The following MACROD2 variants were observed in gnomAD, a reference collection of about 807,000 sequenced individuals.
MACROD2 encodes ADP-ribose glycohydrolase MACROD2.
Under a neutral mutation model 70.4 loss-of-function variants are expected in MACROD2, and 36 were observed. The ratio of observed to expected loss-of-function variants is 0.51; its 90% CI spans 0.39 to 0.68. The LOEUF (loss-of-function observed/expected upper bound fraction) is 0.68, where lower values mean the gene tolerates loss of function less well. Among genes scored for constraint, MACROD2 ranks in the 30% least tolerant of loss-of-function variants. MACROD2 has a pLI of 0.00. For missense variants in MACROD2, 496 were observed against 538.4 expected (o/e 0.92, Z 0.78); for synonymous variants, 172 against 178.8 (o/e 0.96, Z 0.30).
intron 8 of MACROD2, among the ~76,000 whole-genome samples, chr20:15,651,934 G>C (rs1303889021): frequency 6.6e-6 from 1 of 152,144 alleles, no homozygotes; most frequent in Non-Finnish European, 1.5e-5. Context: ...TCCAGAAACA[G>C]AGCCTAAATA....
At chr20:16,042,161 G>A (rs557206668) in intron 16 of MACROD2, among the ~76,000 whole-genome samples, 19 of 152,024 alleles carry the variant, frequency 1.2e-4, no homozygotes, top group African/African-American at 3.4e-4. Flanking sequence ...TGTTCCCACC[G>A]GCTTATCATC....
Position 15,846,911 on chromosome 20 carries a change from TTATATATATA to T in MACROD2, c.646-15802_646-15793del, listed in dbSNP as rs33993940. 8.8e-4 allele frequency among the ~76,000 whole-genome samples: 121 copies of T among 138,170 alleles called. 1 individual carries two copies. Among genetic ancestry groups the T allele is most frequent in the African/African-American group, 2.2e-3 (82 of 36,452 alleles). 90.6% of individuals were successfully genotyped at this position (138,170 alleles called of 152,430 possible). ...GACCTTGACATAGTCAAAAAAAAAATTATATATATATATATATATATATATATATATATAT... is the reference window on the plus strand; with the variant it reads ...GACCTTGACATAGTCAAAAAAAAAATTATATATATATATATATATATATAT... On this transcript the variant is annotated intron_variant, in intron 8 of 17. Coordinates refer to ENST00000684519, the MANE Select transcript of MACROD2 (RefSeq NM_001351661.2).
chr20:14,135,438 T>C (rs972929614), intron 3 of MACROD2, among the ~76,000 whole-genome samples: 8 of 152,104 alleles, frequency 5.3e-5, no homozygotes, highest in African/African-American at 1.9e-4. Flanking sequence ...AAGATTCAGA[T>C]AGGAGAATCA....
chr20:14,357,053 T>C (rs1356854719), intron 3 of MACROD2, among the ~76,000 whole-genome samples: 1 of 152,196 alleles, frequency 6.6e-6, no homozygotes, highest in Non-Finnish European at 1.5e-5. Context: ...TACTACTTCA[T>C]GGAGTACTAC....
At chr20:14,700,199 T>TTG (rs1426224213) in intron 5 of MACROD2, among the ~76,000 whole-genome samples, 1 of 152,088 alleles carries the variant, frequency 6.6e-6, no homozygotes, top group Non-Finnish European at 1.5e-5. Flanking sequence ...TAACCATATT[T>TTG]TGTGTGTGTG....
intron 3 of MACROD2, among the ~76,000 whole-genome samples, chr20:14,243,090 A>G (rs897981739): frequency 6.6e-6 from 1 of 152,130 alleles, no homozygotes; most frequent in African/African-American, 2.4e-5. Context: ...CTCTTTGGAG[A>G]TATGCTTGAG....
intron 7 of MACROD2, among the ~76,000 whole-genome samples, chr20:15,436,731 A>G (rs1354740423): frequency 6.7e-6 from 1 of 148,240 alleles, no homozygotes; most frequent in African/African-American, 2.5e-5. Flanking sequence ...TCTTTTTTTT[A>G]TTAGGGTTTG....
chr20:15,219,071 A>C (rs995053123), intron 5 of MACROD2, among the ~76,000 whole-genome samples: 1 of 152,198 alleles, frequency 6.6e-6, no homozygotes, highest in African/African-American at 2.4e-5. Flanking sequence ...CTTAACCTAC[A>C]TAAAAGTGAA....
At chr20:14,897,339 A>G (rs2073842486) in intron 5 of MACROD2, among the ~76,000 whole-genome samples, 1 of 152,134 alleles carries the variant, frequency 6.6e-6, no homozygotes, top group African/African-American at 2.4e-5. Context: ...TTCATCACTT[A>G]TTTAAAAAAA....
intron 7 of MACROD2, among the ~76,000 whole-genome samples, chr20:15,479,597 C>CATT (rs1184697575): frequency 1.3e-5 from 2 of 152,130 alleles, no homozygotes; most frequent in African/African-American, 4.8e-5. Flanking sequence ...TAACCCTTGG[C>CATT]ATTATTATTA....
At chr20:15,196,976 A>G (rs1334145442) in intron 5 of MACROD2, 1 of 985,300 alleles carries the variant, frequency 1.0e-6, no homozygotes, top group African/African-American at 1.7e-5. Flanking sequence ...GTATCCAAAG[A>G]GCACATTTTT....
At chr20:15,224,445 G>A (rs1010715861) in intron 5 of MACROD2, among the ~76,000 whole-genome samples, 5 of 152,166 alleles carry the variant, frequency 3.3e-5, no homozygotes, top group Non-Finnish European at 5.9e-5. Context: ...TCACTGTGAT[G>A]TTGTCATTGT....
intron 3 of MACROD2, among the ~76,000 whole-genome samples, chr20:14,471,497 G>A (rs1428494271): frequency 3.3e-5 from 5 of 152,138 alleles, no homozygotes; most frequent in Non-Finnish European, 7.4e-5. Flanking sequence ...TTACAATAGA[G>A]GGTTCCTAGG....
At chr20:14,861,979 ATATATATATATATT>A (rs1362330478) in intron 5 of MACROD2, among the ~76,000 whole-genome samples, 1 of 45,374 alleles carries the variant, frequency 2.2e-5, no homozygotes, top group African/African-American at 9.7e-5. Context: ...ATATATAAAT[ATATATATATATATT>A]TATATATATA....
chr20:15,770,953 A>C (rs796824999), intron 8 of MACROD2, among the ~76,000 whole-genome samples: 21 of 152,288 alleles, frequency 1.4e-4, no homozygotes, highest in African/African-American at 5.1e-4. Flanking sequence ...CAAACTCCAA[A>C]TCAATGAGGA....
chr20:15,411,422 T>C (rs1272656358), intron 6 of MACROD2, among the ~76,000 whole-genome samples: 1 of 152,184 alleles, frequency 6.6e-6, no homozygotes, highest in Middle Eastern at 3.2e-3. Flanking sequence ...ATGTTGAAAG[T>C]CCTGTTTGTT....
intron 8 of MACROD2, among the ~76,000 whole-genome samples, chr20:15,568,804 C>G (rs2048341676): frequency 6.6e-6 from 1 of 152,194 alleles, no homozygotes. Context: ...TAGCCCCAGT[C>G]TTTCCTAGAT....
intron 5 of MACROD2, among the ~76,000 whole-genome samples, chr20:14,884,831 G>A (rs1410496930): frequency 6.6e-6 from 1 of 152,082 alleles, no homozygotes; most frequent in Admixed American, 6.6e-5. Flanking sequence ...CTTCATCTGT[G>A]TAATAAAAAC....
At chr20:15,443,555 A>T (rs12481556) in intron 7 of MACROD2, among the ~76,000 whole-genome samples, 19 of 152,072 alleles carry the variant, frequency 1.2e-4, no homozygotes, top group African/African-American at 4.3e-4. Flanking sequence ...AAATGAATCC[A>T]GTTTTACCAA....
Sources: gnomAD v4.1 joint callset for allele counts (sites outside exome capture counted in the v4.1 genomes callset) on GRCh38, gnomAD v4.1.1 for gene constraint, MANE v1.5 for transcripts, NCBI Gene and HGNC (gene_info 2026-07-23, HGNC 2026-07-21) for gene names.